Variants in GIN1 observed in about 807,000 individuals in gnomAD.
GIN1 encodes the protein gypsy retrotransposon integrase-like protein 1.
In GIN1, 41 loss-of-function variants were observed where a neutral mutation model predicts 51.4. The observed-to-expected ratio is 0.80, with a 90% CI of 0.62 to 1.04. The LOEUF is 1.04. GIN1 is among the 50% of genes least tolerant of loss of function. The pLI, the probability that GIN1 is intolerant of heterozygous loss-of-function variation, is 0.00. For synonymous variants in GIN1, 222 were observed against 206.5 expected, an observed-to-expected ratio of 1.07 and a Z score of -0.64; for missense variants, 610 against 612.4, an observed-to-expected ratio of 1.00 and a Z score of 0.04.
At position 103,104,757 on chromosome 5, in the gene GIN1, AC is replaced by A; in HGVS notation, c.422del (p.Ser141IlefsTer2). ...GCCCCATCAGATCAACAGTAACTAA[AC>A]TCCATGGATTTTCCACCTTGAGAAG... Reference protein sequence around the residue: ...QHLLKVENPWSLVTVDLMGPF... With the variant: ...QHLLKVENPWXLVTVDLMGPF... On this transcript the variant is annotated frameshift_variant, in exon 4 of 8. Coordinates refer to ENST00000399004, the MANE Select transcript of GIN1 (RefSeq NM_017676.2). LOFTEE classifies it high-confidence loss of function. 6.2e-7 allele frequency: 1 copy of A among 1,611,302 alleles called. No individual in the cohort carries two copies. The highest frequency in any genetic ancestry group is 2.2e-5 in the East Asian group (1 of 44,836).
At chr5:103,094,131 G>A (rs1272362024) in intron 7 of GIN1, among the ~76,000 whole-genome samples, 1 of 152,076 alleles carries the variant, frequency 6.6e-6, no homozygotes, top group Non-Finnish European at 1.5e-5. Context: ...AAATCATTTT[G>A]TTTGCTTTAA....
Position 103,097,725 on chromosome 5 carries a change from G to T in GIN1, c.696C>A (p.Thr232=). The T allele has an allele frequency of 1.3e-6, 2 of 1,589,500 alleles. No individual in the cohort carries two copies. The highest frequency in any genetic ancestry group is 1.7e-5 in the Admixed American group (1 of 59,956). ...FGIKQIVISH[T]SGTVNPTEST... The stretch of plus-strand genomic sequence containing the variant: ...TTTCCGTTGGGTTAACAGTTCCAGA[G>T]GTGTGAGAAATTACAATTTGCTTTA... Residue 232 remains threonine (T), a synonymous_variant, in exon 5 of 8, where the codon ACC becomes ACA. Coordinates refer to ENST00000399004, the MANE Select transcript of GIN1 (RefSeq NM_017676.2).
intron 7 of GIN1, among the ~76,000 whole-genome samples, chr5:103,089,099 C>T (rs1171274886): frequency 6.6e-6 from 1 of 152,092 alleles, no homozygotes; most frequent in Non-Finnish European, 1.5e-5. Flanking sequence ...TAATTTGATA[C>T]CAAAATTCTT....
In GIN1 at chr5:103,106,881, G is replaced by T. The variant is rs544739519; in HGVS notation, c.168C>A (p.Asp56Glu). The T allele has an allele frequency of 2.5e-6, 4 of 1,576,496 alleles. No individual in the cohort carries two copies. Among genetic ancestry groups the T allele is most frequent in the African/African-American group, 1.4e-5 (1 of 72,740 alleles). Residue 56 changes from aspartate (D) to glutamate (E), a missense_variant, in exon 3 of 8, where the codon GAC becomes GAA. Transcript: ENST00000399004. Reference protein sequence around the residue: ...KEKKLFYVGKDRKQNRLVIVS... With the variant: ...KEKKLFYVGKERKQNRLVIVS... ...CAATTACCAAACGATTTTGTTTTCT[G>T]TCTTTTCCAACATAAAACAGCTTTT...
rs150127328 is a variant in GIN1, at chr5:103,093,322, G to C, written c.1294+3219C>G. Among the ~76,000 whole-genome samples the C allele has an allele frequency of 1.9e-3, 295 of 152,316 alleles. 2 individuals are homozygous for C. Among genetic ancestry groups the C allele is most frequent in the African/African-American group, 6.7e-3 (280 of 41,562 alleles). On this transcript the variant is annotated intron_variant, in intron 7 of 7. Transcript: ENST00000399004. ...AATATAGAAGAGGGAGGCAGAAGAG[G>C]AGGTTGGAGTAAGGTGATGTAAGAA...
chr5:103,106,254 G>C (rs954825744), intron 3 of GIN1, among the ~76,000 whole-genome samples: 32 of 152,066 alleles, frequency 2.1e-4, no homozygotes, highest in African/African-American at 7.5e-4. Context: ...ATTTGATTTT[G>C]GTTATATTTG....
At chr5:103,090,925 A>T (rs201898592) in intron 7 of GIN1, among the ~76,000 whole-genome samples, 3 of 148,090 alleles carry the variant, frequency 2.0e-5, no homozygotes, top group Admixed American at 6.8e-5. Flanking sequence ...ACACACACAC[A>T]CTCTTTTTCT....
chr5:103,088,441 A>T (rs1199850838), intron 7 of GIN1, among the ~76,000 whole-genome samples: 1 of 152,144 alleles, frequency 6.6e-6, no homozygotes, highest in Non-Finnish European at 1.5e-5. Flanking sequence ...TCTTTGGTAG[A>T]TATGTATATA....
At chr5:103,099,664 C>T (rs1207225862) in intron 4 of GIN1, among the ~76,000 whole-genome samples, 1 of 152,120 alleles carries the variant, frequency 6.6e-6, no homozygotes, top group Non-Finnish European at 1.5e-5. Context: ...ACTCTGTCAG[C>T]CCCCCAACCA....
At chr5:103,107,007 G>A (rs139002798) in intron 2 of GIN1, 98 bp from the exon 3 acceptor site, 2 of 632,864 alleles carry the variant, frequency 3.2e-6, no homozygotes, top group African/African-American at 3.8e-5. Flanking sequence ...GAAGGTTTTT[G>A]TTTTGTTTTG....
At chr5:103,103,003 G>C (rs1435955941) in intron 4 of GIN1, among the ~76,000 whole-genome samples, 1 of 152,214 alleles carries the variant, frequency 6.6e-6, no homozygotes, top group African/African-American at 2.4e-5. Flanking sequence ...GTGAAGAAAA[G>C]AGTTAACCTG....
intron 1 of GIN1, among the ~76,000 whole-genome samples, chr5:103,113,521 C>CTTT (rs368036001): frequency 7.5e-6 from 1 of 132,514 alleles, no homozygotes; most frequent in Non-Finnish European, 1.6e-5. Context: ...AGTTCCACCT[C>CTTT]TTTTTTTTTT....
intron 7 of GIN1, among the ~76,000 whole-genome samples, chr5:103,094,571 T>C (rs1404476178): frequency 2.0e-5 from 3 of 152,182 alleles, no homozygotes; most frequent in South Asian, 4.1e-4. Flanking sequence ...AGAAGCACAA[T>C]ATTTGACTTC....
chr5:103,097,951 C>G (rs1331918218), intron 4 of GIN1, among the ~76,000 whole-genome samples, 170 bp from the exon 5 acceptor site: 1 of 152,078 alleles, frequency 6.6e-6, no homozygotes, highest in African/African-American at 2.4e-5. Context: ...GGCAAAATCT[C>G]GGCTCACTGC....
chr5:103,107,731 C>G (rs1214807924), intron 2 of GIN1, among the ~76,000 whole-genome samples: 18 of 152,044 alleles, frequency 1.2e-4, no homozygotes, highest in Admixed American at 1.2e-3. Flanking sequence ...ACATTTGTTA[C>G]ATAAATTATC....
At chr5:103,114,264 T>C (rs1157921630) in intron 1 of GIN1, among the ~76,000 whole-genome samples, 1 of 152,192 alleles carries the variant, frequency 6.6e-6, no homozygotes, top group African/African-American at 2.4e-5. Flanking sequence ...GGAATAGAGA[T>C]TGGGGTAGAG....
intron 1 of GIN1, among the ~76,000 whole-genome samples, chr5:103,113,797 C>G (rs1366920505): frequency 1.3e-5 from 2 of 152,120 alleles, no homozygotes; most frequent in African/African-American, 4.8e-5. Context: ...GCTGGGCTTA[C>G]AGGTGTGAGC....
intron 7 of GIN1, among the ~76,000 whole-genome samples, chr5:103,089,362 TTC>T (rs1179960093): frequency 6.6e-6 from 1 of 152,214 alleles, no homozygotes; most frequent in African/African-American, 2.4e-5. Flanking sequence ...GATCCCTACC[TTC>T]TCTTTCTAAA....
chr5:103,094,975 A>G (rs1260077896), intron 7 of GIN1, among the ~76,000 whole-genome samples: 1 of 152,248 alleles, frequency 6.6e-6, no homozygotes, highest in Non-Finnish European at 1.5e-5. Context: ...AGGTTTTAAC[A>G]TGAGTGTTGT....
Sources: allele counts gnomAD v4.1 joint callset (sites outside exome capture counted in the v4.1 genomes callset), GRCh38; gene constraint gnomAD v4.1.1; transcripts MANE v1.5; gene names NCBI Gene and HGNC (gene_info 2026-07-23, HGNC 2026-07-21).